The following CCL25 variants were observed in gnomAD, a reference collection of about 807,000 sequenced individuals.
CCL25 encodes C-C motif chemokine ligand 25, also known as C-C motif chemokine 25.
In CCL25, 14 loss-of-function variants were observed where a neutral mutation model predicts 19.9. That is an observed-to-expected ratio of 0.70 (90% CI 0.47 to 1.10). The LOEUF (loss-of-function observed/expected upper bound fraction) is 1.10, where lower values mean the gene tolerates loss of function less well. Ranked by LOEUF, CCL25 falls within the 50% of genes least tolerant of loss-of-function variation. The pLI is 0.00. For synonymous variants in CCL25, 68 were observed against 73.2 expected, an observed-to-expected ratio of 0.93 and a Z score of 0.36; for missense variants, 151 against 181.2, an observed-to-expected ratio of 0.83 and a Z score of 0.96.
chr19:8,058,666 TA>T lies in CCL25; in HGVS notation c.445+747del, dbSNP rs1311633003. Among the ~76,000 whole-genome samples the T allele has an allele frequency of 2.5e-3, 317 of 126,320 alleles. 1 individual carries two copies. Among genetic ancestry groups the T allele is most frequent in the African/African-American group, 2.9e-3 (93 of 32,512 alleles). The allele number at this position is 126,320 out of a possible 152,430, so 82.9% of individuals were successfully genotyped here. A position where few individuals can be genotyped will look rare whatever the true frequency, so the allele number is the denominator to read the frequency against. Reference sequence around the variant, plus strand: ...ATATATAAATATATATATTTATTATTATTTTTTTTTGAGATGGAGTCTCACT... The same window carrying T: ...ATATATAAATATATATATTTATTATTTTTTTTTTTGAGATGGAGTCTCACT... On this transcript the variant is annotated intron_variant, in intron 5 of 5. Coordinates refer to ENST00000315626, the MANE Select transcript of CCL25 (RefSeq NM_005624.4).
chr19:8,060,889 C>A (rs2081313582), intron 5 of CCL25, among the ~76,000 whole-genome samples: 2 of 151,562 alleles, frequency 1.3e-5, no homozygotes, highest in South Asian at 4.2e-4. Context: ...ACTGTGTTAG[C>A]CAGGATGGTC....
chr19:8,061,414 G>C (rs2081317090), intron 5 of CCL25, among the ~76,000 whole-genome samples: 1 of 152,028 alleles, frequency 6.6e-6, no homozygotes, highest in South Asian at 2.1e-4. Context: ...CAAAGTTCTG[G>C]GATGACAGGC....
intron 2 of CCL25, among the ~76,000 whole-genome samples, chr19:8,054,580 A>C (rs1242292000): frequency 1.1e-4 from 17 of 152,042 alleles, no homozygotes; most frequent in Admixed American, 1.1e-3. Context: ...ATTGCACCCC[A>C]GCTTCCTCCA....
chr19:8,055,455 C>T (rs1382567551), intron 2 of CCL25, among the ~76,000 whole-genome samples: 1 of 151,102 alleles, frequency 6.6e-6, no homozygotes, highest in Non-Finnish European at 1.5e-5. Context: ...CCTGCCTCAG[C>T]CTCCCGAGTA....
At chr19:8,061,231 T>C in intron 5 of CCL25, among the ~76,000 whole-genome samples, 1 of 149,504 alleles carries the variant, frequency 6.7e-6, no homozygotes, top group African/African-American at 2.5e-5. Context: ...TCAAGTGATC[T>C]GCCCACCTCA....
chr19:8,055,730 C>G (rs1307653349), intron 2 of CCL25, among the ~76,000 whole-genome samples: 3 of 152,174 alleles, frequency 2.0e-5, no homozygotes, highest in Non-Finnish European at 4.4e-5. Flanking sequence ...CTCAGCCTCC[C>G]AAAGTGCTGG....
chr19:8,057,762 T>C (rs764312373), intron 4 of CCL25, 39 bp from the exon 5 acceptor site: 2 of 1,583,820 alleles, frequency 1.3e-6, no homozygotes, highest in Non-Finnish European at 1.7e-6. Flanking sequence ...CAAAGGATGA[T>C]GGCAGAGCTC....
rs530552919 is a variant in CCL25 at position 8,059,457 on chromosome 19, C to G, written c.445+1537C>G. 1.6e-4 allele frequency among the ~76,000 whole-genome samples: 24 copies of G among 151,902 alleles called. No individual in the cohort carries two copies. In the South Asian group the frequency reaches 4.2e-3, roughly 26 times the overall value. On this transcript the variant is annotated intron_variant, in intron 5 of 5. Transcript: ENST00000315626. ...CAAGCAATTCTCCCACCTCGGCCCC[C>G]CAAAGTGCTGGGATTGCAGGCATGA...
chr19:8,058,647 A>G (rs1305576386), intron 5 of CCL25, among the ~76,000 whole-genome samples: 1 of 130,660 alleles, frequency 7.7e-6, no homozygotes, highest in African/African-American at 2.9e-5. Flanking sequence ...TATAATATAT[A>G]AATATATATA....
chr19:8,057,766 A>G (rs1166607146), intron 4 of CCL25, 35 bp from the exon 5 acceptor site: 1 of 1,589,934 alleles, frequency 6.3e-7, no homozygotes, highest in Middle Eastern at 1.7e-4. Context: ...GGATGATGGC[A>G]GAGCTCTTGC....
chr19:8,060,893 G>A (rs2081313642), intron 5 of CCL25, among the ~76,000 whole-genome samples: 1 of 151,662 alleles, frequency 6.6e-6, no homozygotes, highest in Non-Finnish European at 1.5e-5. Flanking sequence ...TGTTAGCCAG[G>A]ATGGTCTCGA....
intron 2 of CCL25, among the ~76,000 whole-genome samples, chr19:8,054,438 C>G (rs1271221530): frequency 2.0e-5 from 3 of 152,216 alleles, no homozygotes; most frequent in African/African-American, 7.2e-5. Context: ...TGGGAGACAC[C>G]TGGAGGGCTC....
intron 5 of CCL25, among the ~76,000 whole-genome samples, chr19:8,060,834 C>G (rs1301354133): frequency 1.3e-5 from 2 of 151,902 alleles, no homozygotes; most frequent in African/African-American, 4.8e-5. Flanking sequence ...GCGCCCGCCA[C>G]CACGCCTGGC....
chr19:8,061,584 C>A (rs995176650), intron 5 of CCL25, among the ~76,000 whole-genome samples: 6 of 152,162 alleles, frequency 3.9e-5, no homozygotes, highest in Non-Finnish European at 7.3e-5. Flanking sequence ...TGGTGACCAG[C>A]CCCCACCCAG....
chr19:8,060,762 G>A (rs2081312241), intron 5 of CCL25, among the ~76,000 whole-genome samples: 1 of 151,116 alleles, frequency 6.6e-6, no homozygotes. Context: ...CTCACTGCAA[G>A]CTCTGCCTCC....
Position 8,056,364 on chromosome 19 carries a change from A to C in CCL25, c.192-2A>C. Reference sequence around the variant, plus strand: ...CTGGGCACCCCCCTCTGCTCACCACAGATTCTACCTCCCCAAGAGACACAG... The same window carrying C: ...CTGGGCACCCCCCTCTGCTCACCACCGATTCTACCTCCCCAAGAGACACAG... On this transcript the variant is annotated splice_acceptor_variant, in intron 3 of 5. Coordinates refer to ENST00000315626, the MANE Select transcript of CCL25 (RefSeq NM_005624.4). LOFTEE classifies it high-confidence loss of function. 6.2e-7 allele frequency: 1 copy of C among 1,613,128 alleles called. No individual in the cohort carries two copies. Among genetic ancestry groups the C allele is most frequent in the Non-Finnish European group, 8.5e-7 (1 of 1,179,532 alleles).
chr19:8,062,220 CTG>C lies in CCL25; in HGVS notation c.451_452del (p.Ter151SerfsTer19). ...GGCCTCTCTCATTGCTTCTGCAGGACTGTGAGCCGGCTCATTTCTGGGCTCCA... is the reference window on the plus strand; with the variant it reads ...GGCCTCTCTCATTGCTTCTGCAGGACTGAGCCGGCTCATTTCTGGGCTCCA... The part of the protein sequence containing the change: ...VSLLISANSG[L>X] On this transcript the variant is annotated frameshift_variant, in exon 6 of 6. Coordinates refer to ENST00000315626, the MANE Select transcript of CCL25 (RefSeq NM_005624.4). LOFTEE classifies it high-confidence loss of function. 6.2e-7 allele frequency: 1 copy of C among 1,612,910 alleles called. No homozygotes were observed. Among genetic ancestry groups the C allele is most frequent in the Non-Finnish European group, 8.5e-7 (1 of 1,179,978 alleles).
chr19:8,061,999 G>T (rs576798645), intron 5 of CCL25, among the ~76,000 whole-genome samples: 1 of 145,932 alleles, frequency 6.9e-6, no homozygotes, highest in Non-Finnish European at 1.5e-5. Context: ...GCATTGAGCC[G>T]AGATTGCGCC....
chr19:8,057,390 C>A (rs1003542940), intron 4 of CCL25, among the ~76,000 whole-genome samples: 1 of 152,032 alleles, frequency 6.6e-6, no homozygotes, highest in African/African-American at 2.4e-5. Context: ...AGTGCAGTGG[C>A]ACAATCACAT....
Sources: gnomAD v4.1 joint callset for allele counts (sites outside exome capture counted in the v4.1 genomes callset) on GRCh38, gnomAD v4.1.1 for gene constraint, MANE v1.5 for transcripts, NCBI Gene and HGNC (gene_info 2026-07-23, HGNC 2026-07-21) for gene names.